ZFYVE26: variants seen among roughly 807,000 people sequenced by gnomAD.
The protein encoded by ZFYVE26 is zinc finger FYVE domain-containing protein 26.
In ZFYVE26, 181 loss-of-function variants were observed where a neutral mutation model predicts 276.5. That is an observed-to-expected ratio of 0.65 (90% confidence interval 0.58 to 0.74). ZFYVE26 has a LOEUF of 0.74. Ranked by LOEUF, ZFYVE26 falls within the 30% of genes least tolerant of loss-of-function variation. ZFYVE26 has a pLI of 0.00. For synonymous variants in ZFYVE26, 1,129 were observed against 1,203.1 expected (o/e 0.94, Z 1.27); for missense variants, 2,821 against 3,097.9 (o/e 0.91, Z 2.12).
At position 67,789,560 on chromosome 14, in the gene ZFYVE26, G is replaced by T. The variant is rs1463568173; in HGVS notation, c.2794C>A (p.Leu932Met). ...ATGGGGTCTCCAGAGGTGTTGAGCA[G>T]CTTGTCAGTCACGTCAGAGATAGAG... ...FYSISDVTDKLLNTSGDPIPM... is the reference protein window; with the variant it reads ...FYSISDVTDKMLNTSGDPIPM... Residue 932 changes from leucine to methionine, a missense_variant, in exon 16 of 42, where the codon CTG becomes ATG. Leu to Met is a conservative substitution (Grantham distance 15). Transcript: ENST00000347230. 10 of 1,614,170 alleles carry T rather than the reference G, an allele frequency of 6.2e-6. No homozygotes were observed. Among genetic ancestry groups the T allele is most frequent in the Non-Finnish European group, 8.5e-6 (10 of 1,180,032 alleles).
intron 36 of ZFYVE26, 135 bp from the exon 37 acceptor site, chr14:67,755,385 T>A: frequency 9.6e-7 from 1 of 1,041,702 alleles, no homozygotes; most frequent in Non-Finnish European, 1.4e-6. Flanking sequence ...GCTGAACTGC[T>A]ATTTTGAGCC....
At chr14:67,781,243 T>C in intron 22 of ZFYVE26, 90 bp downstream of exon 22, 1 of 1,497,114 alleles carries the variant, frequency 6.7e-7, no homozygotes, top group Non-Finnish European at 9.2e-7. Context: ...ATATTTTCTC[T>C]TTCTTAAAGT....
intron 33 of ZFYVE26, 82 bp downstream of exon 33, chr14:67,762,590 G>A (rs912947424): frequency 2.0e-5 from 32 of 1,600,692 alleles, no homozygotes; most frequent in Admixed American, 1.2e-4. Flanking sequence ...ACTGAGAGAC[G>A]GCAACACCTG....
intron 13 of ZFYVE26, among the ~76,000 whole-genome samples, chr14:67,736,638 C>G (rs2038355531): frequency 1.3e-5 from 2 of 152,142 alleles, no homozygotes; most frequent in African/African-American, 4.8e-5. Flanking sequence ...AGGAATACAT[C>G]CAAAAAGCAT....
At position 67,798,392 on chromosome 14, in the gene ZFYVE26, C is replaced by T. The variant is rs531152715; in HGVS notation, c.1870G>A (p.Ala624Thr). The T allele has an allele frequency of 3.3e-4, 538 of 1,612,292 alleles. 7 individuals carry two copies. The South Asian group carries it at 5.6e-3, about 17-fold the overall frequency. ...CGTTCTGACTTCCTTTCAGGATGTG[C>T]TATGTGCTGAGGGCTCTCTGATGGG... ...RSPSESPQHI[A>T]HPERKSERGS... The change falls in exon 11 of 42, where the codon GCA becomes ACA. Residue 624 changes from alanine (A) to threonine (T), a missense_variant. Coordinates refer to ENST00000347230, the MANE Select transcript of ZFYVE26 (RefSeq NM_015346.4).
chr14:67,731,941 C>T (rs1008915271), intron 13 of ZFYVE26, among the ~76,000 whole-genome samples: 40 of 151,626 alleles, frequency 2.6e-4, no homozygotes, highest in African/African-American at 8.0e-4. Context: ...GCCTGGCCAA[C>T]GTGGTGTAAC....
At position 67,756,131 on chromosome 14, in the gene ZFYVE26, T is replaced by C. The variant is rs2140185567; in HGVS notation, c.6603A>G (p.Glu2201=). 1.1e-5 allele frequency: 18 copies of C among 1,614,120 alleles called. No individual in the cohort carries two copies. The highest frequency in any genetic ancestry group is 1.5e-5 in the Non-Finnish European group (18 of 1,179,976). Residue 2201 remains glutamate (E), a synonymous_variant, in exon 36 of 42, where the codon GAA becomes GAG. Transcript: ENST00000347230. ...GTTGGAAAATGCCTTCTATAAAAACTTCTGGAGGACTCTCCTGGAGCAGGG... is the reference window on the plus strand; with the variant it reads ...GTTGGAAAATGCCTTCTATAAAAACCTCTGGAGGACTCTCCTGGAGCAGGG... The part of the protein sequence containing the change: ...LHLLNKESPP[E]VFIEGIFQPS...
intron 16 of ZFYVE26, among the ~76,000 whole-genome samples, chr14:67,788,586 T>C (rs917457459): frequency 6.6e-6 from 1 of 152,184 alleles, no homozygotes; most frequent in African/African-American, 2.4e-5. Context: ...ATGAGCCTTT[T>C]TACTTTGCTG....
chr14:67,757,123 C>T (rs1398214311), intron 35 of ZFYVE26, among the ~76,000 whole-genome samples: 1 of 152,206 alleles, frequency 6.6e-6, no homozygotes, highest in African/African-American at 2.4e-5. Flanking sequence ...CTCCCCTGGA[C>T]CACACTGGAT....
intron 13 of ZFYVE26, 85 bp from the exon 14 acceptor site, chr14:67,793,844 T>C: frequency 6.4e-7 from 1 of 1,570,118 alleles, no homozygotes; most frequent in Non-Finnish European, 8.7e-7. Flanking sequence ...CACCAAACTT[T>C]TATCTCCTCA....
intron 27 of ZFYVE26, among the ~76,000 whole-genome samples, chr14:67,773,922 G>C (rs2039276705): frequency 6.6e-6 from 1 of 152,168 alleles, no homozygotes; most frequent in African/African-American, 2.4e-5. Flanking sequence ...CCATTGTGTG[G>C]GGGCTGGAGA....
At chr14:67,765,048 A>T (rs1355163473) in intron 32 of ZFYVE26, among the ~76,000 whole-genome samples, 1 of 150,020 alleles carries the variant, frequency 6.7e-6, no homozygotes, top group South Asian at 2.1e-4. Context: ...TCCTCCTCCT[A>T]TCCTTTTCTC....
At chr14:67,742,924 CTA>C (rs1487383452), downstream of ZFYVE26, among the ~76,000 whole-genome samples, 1 of 146,706 alleles carries the variant, frequency 6.8e-6, no homozygotes, top group Non-Finnish European at 1.5e-5. Flanking sequence ...ATGGCAGCCT[CTA>C]ACTCCTGGGC....
At chr14:67,809,828 A>G (rs1342650776) in intron 3 of ZFYVE26, among the ~76,000 whole-genome samples, 6 of 131,014 alleles carry the variant, frequency 4.6e-5, no homozygotes, top group Non-Finnish European at 9.3e-5. Flanking sequence ...TCTGTTGCCC[A>G]GGCTGGAGTG....
At chr14:67,786,342 T>C in intron 16 of ZFYVE26, 109 bp from the exon 17 acceptor site, 1 of 1,358,372 alleles carries the variant, frequency 7.4e-7, no homozygotes, top group Non-Finnish European at 1.0e-6. Flanking sequence ...TCTCCAATAT[T>C]AAGGAGGAAA....
At chr14:67,799,277 G>C in intron 10 of ZFYVE26, 3 of 1,613,432 alleles carry the variant, frequency 1.9e-6, no homozygotes, top group Non-Finnish European at 1.7e-6. Context: ...TGTGCTTTGC[G>C]TGCAGTACAC....
At chr14:67,757,642 C>CTTTCTTTCTT (rs1354856983) in intron 35 of ZFYVE26, among the ~76,000 whole-genome samples, 11 of 15,870 alleles carry the variant, frequency 6.9e-4, no homozygotes, top group African/African-American at 1.7e-3. Flanking sequence ...ATATTTTTGT[C>CTTTCTTTCTT]TTTCTTTCTT....
rs577590201 is a variant in ZFYVE26 at position 67,740,156 on chromosome 14, T to TA, written n.2680-10338dup. Among the ~76,000 whole-genome samples the TA allele has an allele frequency of 1.8e-3, 276 of 152,304 alleles. 1 individual carries two copies. The highest frequency in any genetic ancestry group is 3.5e-3 in the Admixed American group (54 of 15,296). The stretch of plus-strand genomic sequence containing the variant: ...TTTCTGGGCCAGGGATGTACAGTAA[T>TA]AAAAGCCCACAAAATTTTTTTTTCC... On this transcript the variant is annotated intron_variant and non_coding_transcript_variant, in intron 13 of 14. Coordinates refer to the ZFYVE26 transcript ENST00000394455.
chr14:67,803,952 T>G, intron 9 of ZFYVE26, 149 bp downstream of exon 9: 1 of 1,009,670 alleles, frequency 9.9e-7, no homozygotes, highest in Admixed American at 2.0e-5. Flanking sequence ...ATAAACTGAT[T>G]AGGACAAACA....
Sources: gnomAD v4.1 joint callset for allele counts (sites outside exome capture counted in the v4.1 genomes callset) on GRCh38, gnomAD v4.1.1 for gene constraint, MANE v1.5 for transcripts, NCBI Gene and HGNC (gene_info 2026-07-23, HGNC 2026-07-21) for gene names.